LRP6: variants seen among roughly 807,000 people sequenced by gnomAD.
LRP6 encodes the protein low-density lipoprotein receptor-related protein 6.
LRP6 carries 43 observed loss-of-function variants against 184.1 expected under a neutral mutation model. That is an observed-to-expected ratio of 0.23 (90% CI 0.18 to 0.30). The LOEUF (loss-of-function observed/expected upper bound fraction) is 0.30. Among genes scored for constraint, LRP6 ranks in the 10% least tolerant of loss-of-function variants. LRP6 has a pLI of 1.00. For synonymous variants in LRP6, 719 were observed against 684.9 expected (o/e 1.05, Z -0.78); for missense variants, 1,571 against 2,005.3 (o/e 0.78, Z 4.14).
chr12:12,172,034 T>C (rs968895038), intron 7 of LRP6, among the ~76,000 whole-genome samples: 2 of 152,354 alleles, frequency 1.3e-5, no homozygotes, highest in East Asian at 1.9e-4. Context: ...CTTTAGGCAA[T>C]TCCAAAAGAT....
intron 3 of LRP6, among the ~76,000 whole-genome samples, chr12:12,199,604 G>A (rs1863859664): frequency 6.6e-6 from 1 of 152,016 alleles, no homozygotes; most frequent in South Asian, 2.1e-4. Flanking sequence ...CATAATTGCT[G>A]GGCACTAAAA....
rs962853785 is a variant in LRP6, at chr12:12,231,682, G to GT, written c.449+12579dup. Among the ~76,000 whole-genome samples the GT allele has an allele frequency of 5.3e-4, 78 of 147,290 alleles. No homozygotes were observed. The East Asian group carries it at 5.4e-3, about 10-fold the overall frequency. ...AGTTTTTAGATCAGCCCAGGAAACG[G>GT]TTTTTTTTTTGTTTTGTTTTTGTTT... On this transcript the variant is annotated intron_variant, in intron 2 of 22. Coordinates refer to ENST00000261349, the MANE Select transcript of LRP6 (RefSeq NM_002336.3).
intron 16 of LRP6, among the ~76,000 whole-genome samples, chr12:12,136,688 A>C (rs1949844816): frequency 6.6e-6 from 1 of 152,242 alleles, no homozygotes; most frequent in African/African-American, 2.4e-5. Flanking sequence ...GTTTGTGTTG[A>C]GACTGAGGGA....
intron 2 of LRP6, among the ~76,000 whole-genome samples, chr12:12,225,232 G>A (rs1275583474): frequency 1.3e-5 from 2 of 152,070 alleles, no homozygotes; most frequent in African/African-American, 4.8e-5. Flanking sequence ...GACGCAGTGG[G>A]GAAGAAGCTT....
rs1168493845 is a variant in LRP6 at position 12,165,248 on chromosome 12, T to A, written c.1593A>T (p.Lys531Asn). Residue 531 changes from lysine to asparagine, a missense_variant, in exon 8 of 23, where the codon AAA becomes AAT. Lys to Asn is a moderately conservative substitution (Grantham distance 94). This residue lies in a region of LRP6 where 640 missense variants were observed against 851.9 expected (regional missense o/e 0.75). Transcript: ENST00000261349. Reference sequence around the variant, plus strand: ...AAGTAAATCCAAATATGTGAGGAATTTTGTCTTCCACTAGTACTCGTCTCC... The same window carrying A: ...AAGTAAATCCAAATATGTGAGGAATATTGTCTTCCACTAGTACTCGTCTCC... ...GTGRRVLVED[K>N]IPHIFGFTLL... The A allele has an allele frequency of 6.2e-7, 1 of 1,614,110 alleles. No individual in the cohort carries two copies.
chr12:12,197,160 C>G (rs898546547), intron 3 of LRP6, among the ~76,000 whole-genome samples: 23 of 152,302 alleles, frequency 1.5e-4, no homozygotes, highest in African/African-American at 5.5e-4. Flanking sequence ...AATTTAAACA[C>G]ACTTCACAGG....
At chr12:12,126,556 G>A (rs183865101) in intron 20 of LRP6, 135 bp downstream of exon 20, 17 of 739,784 alleles carry the variant, frequency 2.3e-5, no homozygotes, top group Non-Finnish European at 3.3e-5. Context: ...AAAAAAGAAC[G>A]TTTGTCCTTA....
intron 1 of LRP6, among the ~76,000 whole-genome samples, chr12:12,248,480 T>C (rs1282049913): frequency 8.5e-4 from 110 of 130,056 alleles, no homozygotes; most frequent in African/African-American, 3.1e-3. Flanking sequence ...TCTTTTTTTT[T>C]TTTTTTTTTT....
chr12:12,218,850 G>A (rs1361723986), intron 2 of LRP6, among the ~76,000 whole-genome samples: 2 of 152,040 alleles, frequency 1.3e-5, no homozygotes, highest in Non-Finnish European at 2.9e-5. Flanking sequence ...AAAAAACCAG[G>A]AAGAGACAAA....
At chr12:12,210,620 G>A (rs114712452) in intron 2 of LRP6, among the ~76,000 whole-genome samples, 1 of 152,282 alleles carries the variant, frequency 6.6e-6, no homozygotes, top group African/African-American at 2.4e-5. Context: ...GAAGTGTTGA[G>A]CCATGCTAAT....
At position 12,231,180 on chromosome 12, in the gene LRP6, C is replaced by CAAAAAAAAA. The variant is rs10661340; in HGVS notation, c.449+13073_449+13081dup. ...TGGATGACAGAGCAAGACTCCATCT[C>CAAAAAAAAA]AAAAAAAAAAAAAAAAAAAAAAAAA... On this transcript the variant is annotated intron_variant, in intron 2 of 22. Transcript: ENST00000261349. Among the ~76,000 whole-genome samples the CAAAAAAAAA allele has an allele frequency of 1.8e-3, 42 of 23,562 alleles. 12 individuals carry two copies. The highest frequency in any genetic ancestry group is 2.7e-3 in the African/African-American group (12 of 4,452). 15.5% of individuals were successfully genotyped at this position (23,562 alleles called of 152,430 possible).
At chr12:12,242,694 C>G (rs1179886158) in intron 2 of LRP6, among the ~76,000 whole-genome samples, 1 of 152,202 alleles carries the variant, frequency 6.6e-6, no homozygotes, top group African/African-American at 2.4e-5. Flanking sequence ...ACGATCAGAG[C>G]CACTACAATA....
intron 3 of LRP6, among the ~76,000 whole-genome samples, chr12:12,198,530 CTTTTTTTTTTTT>C (rs56150307): frequency 2.6e-5 from 2 of 76,992 alleles, no homozygotes; most frequent in African/African-American, 9.4e-5. Context: ...GAATTTTTCT[CTTTTTTTTTTTT>C]TTTTTTTTTT....
intron 7 of LRP6, among the ~76,000 whole-genome samples, chr12:12,174,027 T>C (rs974474667): frequency 6.6e-6 from 1 of 152,206 alleles, no homozygotes; most frequent in African/African-American, 2.4e-5. Flanking sequence ...ACAGTACATG[T>C]TGTGTGGTAA....
At chr12:12,233,870 CA>C (rs962469731) in intron 2 of LRP6, among the ~76,000 whole-genome samples, 15 of 151,532 alleles carry the variant, frequency 9.9e-5, no homozygotes, top group African/African-American at 3.4e-4. Context: ...AAAAAAAAAC[CA>C]GCCTAAAAGC....
At chr12:12,196,354 T>A (rs997491873) in intron 3 of LRP6, among the ~76,000 whole-genome samples, 1 of 152,134 alleles carries the variant, frequency 6.6e-6, no homozygotes, top group African/African-American at 2.4e-5. Flanking sequence ...TTTGTATGTA[T>A]CCCTCTTCAA....
chr12:12,153,188 T>A (rs536001179), intron 12 of LRP6, among the ~76,000 whole-genome samples: 12 of 152,212 alleles, frequency 7.9e-5, no homozygotes, highest in East Asian at 7.7e-4. Flanking sequence ...AAGAAAAAAA[T>A]TTTTAAAGGT....
intron 3 of LRP6, among the ~76,000 whole-genome samples, chr12:12,192,587 A>G (rs1161380579): frequency 1.3e-5 from 2 of 152,084 alleles, no homozygotes; most frequent in African/African-American, 4.8e-5. Context: ...GACAGTAACC[A>G]TAAGAGAGCT....
chr12:12,132,088 A>T (rs760366205), intron 17 of LRP6, 31 bp from the exon 18 acceptor site: 1 of 1,418,598 alleles, frequency 7.0e-7, no homozygotes, highest in South Asian at 1.1e-5. Context: ...GGGGAGTGAC[A>T]AAAACACAAT....
Sources: allele counts gnomAD v4.1 joint callset (sites outside exome capture counted in the v4.1 genomes callset), GRCh38; gene constraint gnomAD v4.1.1; regional missense constraint gnomAD v4.1.1; transcripts MANE v1.5; gene names NCBI Gene and HGNC (gene_info 2026-07-23, HGNC 2026-07-21).